The following FHOD3 variants were observed in gnomAD, a reference collection of about 807,000 sequenced individuals.
The protein encoded by FHOD3 is formin homology 2 domain containing 3, also known as FH1/FH2 domain-containing protein 3.
Under a neutral mutation model 173.0 loss-of-function variants are expected in FHOD3, and 90 were observed. That is an observed-to-expected ratio of 0.52 (90% CI 0.44 to 0.62). The LOEUF (loss-of-function observed/expected upper bound fraction) is 0.62, where lower values mean the gene tolerates loss of function less well. FHOD3 is among the 20% of genes least tolerant of loss of function. The probability of loss-of-function intolerance (pLI) is 0.00; values close to 1 mark genes in which losing one functional copy is unlikely to be tolerated. For synonymous variants in FHOD3, 828 were observed against 823.0 expected (o/e 1.01, Z -0.10); for missense variants, 1,945 against 2,034.7 (o/e 0.96, Z 0.85).
intron 9 of FHOD3, among the ~76,000 whole-genome samples, chr18:36,623,652 C>A (rs565819329): frequency 1.3e-5 from 2 of 152,266 alleles, no homozygotes; most frequent in African/African-American, 4.8e-5. Context: ...TCAAACCTCC[C>A]AAAATTATGT....
intron 5 of FHOD3, among the ~76,000 whole-genome samples, chr18:36,572,230 CTG>C (rs1208122093): frequency 4.6e-5 from 7 of 152,216 alleles, no homozygotes; most frequent in Non-Finnish European, 8.8e-5. Flanking sequence ...CCATCTACCT[CTG>C]TGTTCTGATA....
intron 14 of FHOD3, among the ~76,000 whole-genome samples, chr18:36,663,429 AGTTTTT>A: frequency 6.6e-6 from 1 of 152,224 alleles, no homozygotes; most frequent in Middle Eastern, 3.4e-3. Flanking sequence ...CCTTCCTCCC[AGTTTTT>A]GGCTTTACCA....
Position 36,740,855 on chromosome 18 carries a change from A to G in FHOD3, c.3759+17A>G. On this transcript the variant is annotated intron_variant, in intron 21 of 28. Coordinates refer to ENST00000590592, the MANE Select transcript of FHOD3 (RefSeq NM_001281740.3). The stretch of plus-strand genomic sequence containing the variant: ...ACAGAAAAGGTAAGCTCTCTGTAAG[A>G]GAGGCCGCTGATCCCACATCCACAG... The G allele has an allele frequency of 6.2e-7, 1 of 1,600,712 alleles. No homozygotes were observed. The highest frequency in any genetic ancestry group is 1.1e-5 in the South Asian group (1 of 89,572).
chr18:36,613,737 G>T (rs761303733), intron 9 of FHOD3, among the ~76,000 whole-genome samples: 1 of 152,054 alleles, frequency 6.6e-6, no homozygotes, highest in Non-Finnish European at 1.5e-5. Flanking sequence ...GTGGTGGCGC[G>T]ATCTCGGCTC....
chr18:36,637,284 T>C (rs2034958871), intron 10 of FHOD3, among the ~76,000 whole-genome samples: 1 of 152,236 alleles, frequency 6.6e-6, no homozygotes, highest in South Asian at 2.1e-4. Flanking sequence ...ATCTAACTCC[T>C]ATTTCATTTT....
intron 3 of FHOD3, among the ~76,000 whole-genome samples, chr18:36,393,589 G>C (rs989618746): frequency 1.3e-5 from 2 of 152,146 alleles, no homozygotes; most frequent in African/African-American, 4.8e-5. Flanking sequence ...GAAGCTGTCC[G>C]TAATCCCCAC....
At chr18:36,732,884 C>T (rs1035325019) in intron 20 of FHOD3, among the ~76,000 whole-genome samples, 2 of 152,192 alleles carry the variant, frequency 1.3e-5, no homozygotes, top group African/African-American at 4.8e-5. Flanking sequence ...GGATGAGAGA[C>T]TTACACTGAC....
At chr18:36,699,999 T>C (rs1406754776) in intron 17 of FHOD3, among the ~76,000 whole-genome samples, 1 of 152,156 alleles carries the variant, frequency 6.6e-6, no homozygotes, top group Non-Finnish European at 1.5e-5. Context: ...GCCTTTTGAG[T>C]CGCGTGCATT....
intron 5 of FHOD3, among the ~76,000 whole-genome samples, chr18:36,543,043 C>A (rs2057285320): frequency 6.6e-6 from 1 of 152,136 alleles, no homozygotes; most frequent in Non-Finnish European, 1.5e-5. Context: ...TGAACCACAT[C>A]CAATCAGTCA....
chr18:36,568,314 C>A (rs71366396), intron 5 of FHOD3, among the ~76,000 whole-genome samples: 19,312 of 109,648 alleles, frequency 0.18, 1,638 homozygotes, highest in East Asian at 0.43. Flanking sequence ...GGCGACAGAG[C>A]AGACTCTGTC....
Position 36,355,642 on chromosome 18 carries a change from C to G in FHOD3, c.269C>G (p.Ala90Gly). Residue 90 changes from alanine to glycine, a missense_variant, in exon 2 of 29, where the codon GCC (alanine) becomes GGC (glycine). By Grantham distance (60) the Ala-to-Gly change is moderately conservative (BLOSUM62 0). This residue lies in a region of FHOD3 where 245 missense variants were observed against 267.7 expected (regional missense o/e 0.92). Coordinates refer to ENST00000590592, the MANE Select transcript of FHOD3 (RefSeq NM_001281740.3). Reference protein sequence around the residue: ...RDELEGFQDDAGRGKKHSIIL... With the variant: ...RDELEGFQDDGGRGKKHSIIL... ...GAGTTGGAAGGCTTCCAGGATGACG[C>G]CGGGTAAGAGCAACTGTTCACCCTG... The G allele has an allele frequency of 1.9e-6, 3 of 1,613,842 alleles. No homozygotes were observed. Among genetic ancestry groups the G allele is most frequent in the Non-Finnish European group, 1.7e-6 (2 of 1,179,780 alleles).
At chr18:36,471,324 G>A (rs907784403) in intron 3 of FHOD3, among the ~76,000 whole-genome samples, 5 of 152,154 alleles carry the variant, frequency 3.3e-5, no homozygotes, top group Non-Finnish European at 5.9e-5. Flanking sequence ...TGCCTGACCC[G>A]AGCCAGCTTG....
chr18:36,409,331 C>T (rs78017945), intron 3 of FHOD3, among the ~76,000 whole-genome samples: 7,982 of 152,232 alleles, frequency 0.052, 700 homozygotes, highest in African/African-American at 0.18. Flanking sequence ...TCTAGGAGTT[C>T]GAGGCAGCGG....
intron 20 of FHOD3, among the ~76,000 whole-genome samples, chr18:36,734,754 G>A (rs572060132): frequency 1.3e-5 from 2 of 152,222 alleles, no homozygotes; most frequent in African/African-American, 2.4e-5. Context: ...TGAGATTTCC[G>A]GCTTGCACCC....
intron 28 of FHOD3, among the ~76,000 whole-genome samples, chr18:36,773,398 G>T (rs1223545280): frequency 6.6e-6 from 1 of 152,188 alleles, no homozygotes; most frequent in African/African-American, 2.4e-5. Context: ...ACTCAGGGAG[G>T]TGCCATGCAC....
chr18:36,769,167 T>C, intron 27 of FHOD3, 98 bp from the exon 28 acceptor site: 2 of 1,408,748 alleles, frequency 1.4e-6, no homozygotes, highest in Non-Finnish European at 2.0e-6. Flanking sequence ...CTGTGATCTG[T>C]TGCTGAAAGA....
chr18:36,433,767 GGT>G (rs5824012), intron 3 of FHOD3, among the ~76,000 whole-genome samples: 75,905 of 151,846 alleles, frequency 0.5, 19,083 homozygotes, highest in Non-Finnish European at 0.53. Context: ...AGTTACATAT[GGT>G]GTGTGATCTG....
At chr18:36,465,658 C>T (rs2052872901) in intron 3 of FHOD3, among the ~76,000 whole-genome samples, 1 of 152,136 alleles carries the variant, frequency 6.6e-6, no homozygotes, top group Non-Finnish European at 1.5e-5. Flanking sequence ...TGATCACCCA[C>T]ACATTGACTT....
intron 6 of FHOD3, among the ~76,000 whole-genome samples, chr18:36,594,335 G>C (rs907266904): frequency 1.3e-5 from 2 of 152,052 alleles, no homozygotes; most frequent in African/African-American, 4.8e-5. Context: ...TTCCACCTAA[G>C]CTGGCTGTTG....
Sources: gnomAD v4.1 joint callset for allele counts (sites outside exome capture counted in the v4.1 genomes callset) on GRCh38, gnomAD v4.1.1 for gene constraint, gnomAD v4.1.1 regional missense constraint, MANE v1.5 for transcripts, NCBI Gene and HGNC (gene_info 2026-07-23, HGNC 2026-07-21) for gene names.